CTSH: variants seen among roughly 807,000 people sequenced by gnomAD.
CTSH encodes the protein pro-cathepsin H.
CTSH carries 52 observed loss-of-function variants against 56.3 expected under a neutral mutation model. The ratio of observed to expected loss-of-function variants is 0.92; its 90% confidence interval spans 0.74 to 1.16. CTSH has a LOEUF of 1.16. Ranked by LOEUF, CTSH falls within the 50% of genes most tolerant of loss-of-function variation. The pLI, the probability that CTSH is intolerant of heterozygous loss-of-function variation, is 0.00. For missense variants in CTSH, 406 were observed against 424.5 expected (o/e 0.96, Z 0.38); for synonymous variants, 174 against 155.7 (o/e 1.12, Z -0.88).
chr15:78,942,115 T>C (rs1443790533), intron 1 of CTSH, among the ~76,000 whole-genome samples: 1 of 152,122 alleles, frequency 6.6e-6, no homozygotes, highest in Non-Finnish European at 1.5e-5. Context: ...ATGGAGGCAG[T>C]TTTTAAGAGC....
chr15:78,940,529 C>A (rs1254036093), intron 1 of CTSH, among the ~76,000 whole-genome samples: 2 of 131,750 alleles, frequency 1.5e-5, no homozygotes, highest in East Asian at 2.7e-4. Flanking sequence ...AGGAGTGAGA[C>A]CTTGTCTCAA....
At chr15:78,941,689 A>G (rs1014466064) in intron 1 of CTSH, among the ~76,000 whole-genome samples, 4 of 150,634 alleles carry the variant, frequency 2.7e-5, no homozygotes, top group Non-Finnish European at 5.9e-5. Context: ...CCAGCTACTC[A>G]GGAGGCTGAG....
At chr15:78,937,799 C>T in intron 2 of CTSH, 2 of 1,299,664 alleles carry the variant, frequency 1.5e-6, no homozygotes, top group South Asian at 1.2e-5. Context: ...GATTCTGCAA[C>T]CAGTACACAG....
rs4987057 is a variant in CTSH at position 78,921,812 on chromosome 15, G to A, written c.*318C>T. On this transcript the variant is annotated 3_prime_UTR_variant, in exon 12 of 12. Transcript: ENST00000220166. ...CAATGTTTATTGAACAGCGAATACA[G>A]AAAAGACAGTCCCTGGAGCTCTATA... 4.8e-4 allele frequency: 160 copies of A among 330,354 alleles called. No individual in the cohort carries two copies. Among genetic ancestry groups the A allele is most frequent in the African/African-American group, 3.3e-3 (156 of 47,130 alleles). The allele number at this position is 330,354 out of a possible 1,614,324, so 20.5% of individuals were successfully genotyped here.
At chr15:78,937,617 TGGCCAGAATG>T (rs60254670) in intron 2 of CTSH, 194 bp from the exon 3 acceptor site, 188,546 of 1,413,164 alleles carry the variant, frequency 0.13, 13,342 homozygotes, top group African/African-American at 0.24. Context: ...CAGGGACCTG[TGGCCAGAATG>T]AAGACCATGC....
At chr15:78,924,275 TCCCCCTCAGG>T (rs2054851144) in intron 10 of CTSH, among the ~76,000 whole-genome samples, 1 of 150,560 alleles carries the variant, frequency 6.6e-6, no homozygotes, top group Non-Finnish European at 1.5e-5. Context: ...ATCATGAGGG[TCCCCCTCAGG>T]GTAGGACCCT....
At position 78,931,074 on chromosome 15, in the gene CTSH, T is replaced by C. The variant is rs376142584; in HGVS notation, c.548+377A>G. ...GGAGGCTGGGACTTTAGTGAGTTCATCTAAAGGCCAACCCTGTATCTGTGT... is the reference window on the plus strand; with the variant it reads ...GGAGGCTGGGACTTTAGTGAGTTCACCTAAAGGCCAACCCTGTATCTGTGT... On this transcript the variant is annotated intron_variant, in intron 7 of 11. Coordinates refer to ENST00000220166, the MANE Select transcript of CTSH (RefSeq NM_004390.5). Among the ~76,000 whole-genome samples the C allele has an allele frequency of 3.3e-5, 5 of 152,196 alleles. No homozygotes were observed. In the East Asian group the frequency reaches 5.8e-4, roughly 18 times the overall value.
chr15:78,922,008 G>T lies in CTSH; in HGVS notation c.*122C>A. The T allele has an allele frequency of 1.2e-6, 1 of 862,966 alleles. No individual in the cohort carries two copies. The highest frequency in any genetic ancestry group is 1.6e-5 in the South Asian group (1 of 62,328). The allele number at this position is 862,966 out of a possible 1,614,324, so 53.5% of individuals were successfully genotyped here. On this transcript the variant is annotated 3_prime_UTR_variant, in exon 12 of 12. Transcript: ENST00000220166. ...GTTTCCAGGCTGGGCACAGAGGTGA[G>T]GGCAGAATGTTGGGGGTCCCAGTGG...
At chr15:78,931,050 G>A (rs537708586) in intron 7 of CTSH, among the ~76,000 whole-genome samples, 8 of 152,320 alleles carry the variant, frequency 5.3e-5, no homozygotes, top group Non-Finnish European at 7.4e-5. Context: ...ATGAGCTTGG[G>A]AGGCTGGGAC....
In CTSH at chr15:78,940,142, AAAAC is replaced by A. The variant is rs571888337; in HGVS notation, c.92-975_92-972del. On this transcript the variant is annotated intron_variant, in intron 1 of 11. Coordinates refer to ENST00000220166, the MANE Select transcript of CTSH (RefSeq NM_004390.5). ...GTACAGATATTATCAAAAACATAAT[AAAAC>A]AAACAAGACAAAATATTTTACAAAA... Among the ~76,000 whole-genome samples, 8 of 151,814 alleles carry A rather than the reference AAAAC, an allele frequency of 5.3e-5. No individual in the cohort carries two copies. In the South Asian group the frequency reaches 8.4e-4, roughly 16 times the overall value.
chr15:78,940,554 T>C (rs1416229289), intron 1 of CTSH, among the ~76,000 whole-genome samples: 3 of 144,946 alleles, frequency 2.1e-5, no homozygotes, highest in African/African-American at 7.7e-5. Context: ...AAAAAAAAAA[T>C]CTCTAAAAAT....
intron 1 of CTSH, 111 bp downstream of exon 1, chr15:78,944,780 G>A (rs2055361446): frequency 7.2e-7 from 1 of 1,392,544 alleles, no homozygotes; most frequent in African/African-American, 1.5e-5. Flanking sequence ...CCTCTCACCG[G>A]GGAAAGCTCT....
rs139855652 is a variant in CTSH, at chr15:78,934,099, C to T, written c.405+879G>A. Among the ~76,000 whole-genome samples the T allele has an allele frequency of 3.4e-3, 521 of 152,326 alleles. 1 individual carries two copies. Among genetic ancestry groups the T allele is most frequent in the Middle Eastern group, 0.01 (3 of 294 alleles). On this transcript the variant is annotated intron_variant, in intron 5 of 11. Transcript: ENST00000220166. ...GGGGCAAAGGCAGGCTTCTACTCCA[C>T]CTCCTGCTGCAAGGGGAGGTTTGCT...
chr15:78,944,419 T>G (rs564904848), intron 1 of CTSH: 1 of 153,334 alleles, frequency 6.5e-6, no homozygotes, highest in Admixed American at 6.5e-5. Context: ...AGGGATTCAC[T>G]GTTCCAAACA....
chr15:78,937,398 T>A lies in CTSH; in HGVS notation c.149A>T (p.Glu50Val), dbSNP rs1180920353. The A allele has an allele frequency of 3.7e-6, 6 of 1,614,044 alleles. No individual in the cohort carries two copies. Residue 50 changes from glutamate (E) to valine (V), a missense_variant, in exon 3 of 12, where the codon GAG becomes GTG. By Grantham distance (121) the Glu-to-Val change is moderately radical. Coordinates refer to ENST00000220166, the MANE Select transcript of CTSH (RefSeq NM_004390.5). ...AAACGTCTGCAGCCTGTGGTGGTAC[T>A]CCTCCGTACTGTAGGTCTTACGGTG... ...SKHRKTYSTE[E>V]YHHRLQTFAS...
chr15:78,937,971 G>A, intron 2 of CTSH: 3 of 374,778 alleles, frequency 8.0e-6, no homozygotes, highest in East Asian at 8.2e-5. Context: ...CTTTATGCTG[G>A]GAACATTCAA....
chr15:78,922,439 C>A (rs958943286), intron 11 of CTSH, among the ~76,000 whole-genome samples: 1 of 152,180 alleles, frequency 6.6e-6, no homozygotes, highest in Non-Finnish European at 1.5e-5. Flanking sequence ...CCACTTCTCC[C>A]GAAAATTTAC....
chr15:78,936,538 C>T (rs564117373), intron 3 of CTSH, among the ~76,000 whole-genome samples: 1 of 152,284 alleles, frequency 6.6e-6, no homozygotes, highest in East Asian at 1.9e-4. Context: ...GCCCAAGTTT[C>T]TTTCCAGCTC....
chr15:78,931,296 T>C (rs1156838422), intron 7 of CTSH, among the ~76,000 whole-genome samples, 155 bp downstream of exon 7: 1 of 152,160 alleles, frequency 6.6e-6, no homozygotes, highest in Non-Finnish European at 1.5e-5. Context: ...GACCTGGCCA[T>C]GTGAGGTGAC....
Sources: allele counts gnomAD v4.1 joint callset (sites outside exome capture counted in the v4.1 genomes callset), GRCh38; gene constraint gnomAD v4.1.1; transcripts MANE v1.5; gene names NCBI Gene and HGNC (gene_info 2026-07-23, HGNC 2026-07-21).